ADAMTSL1: variants seen among roughly 807,000 people sequenced by gnomAD.
ADAMTSL1 encodes ADAMTS like 1.
ADAMTSL1 carries 126 observed loss-of-function variants against 201.8 expected under a neutral mutation model. That is an observed-to-expected ratio of 0.62 (90% CI 0.54 to 0.72). The LOEUF (loss-of-function observed/expected upper bound fraction) is 0.72. ADAMTSL1 is among the 30% of genes least tolerant of loss of function. ADAMTSL1 has a pLI of 0.00. For missense variants in ADAMTSL1, 2,679 were observed against 2,277.8 expected (o/e 1.18, Z -3.59); for synonymous variants, 1,121 against 903.4 (o/e 1.24, Z -4.32).
chr9:18,457,757 T>G (rs1474822014), intron 2 of ADAMTSL1, among the ~76,000 whole-genome samples: 1 of 152,198 alleles, frequency 6.6e-6, no homozygotes, highest in African/African-American at 2.4e-5. Flanking sequence ...AAAGAGGAGT[T>G]AGAGAAAGTG....
At chr9:18,611,328 C>T (rs574519574) in intron 4 of ADAMTSL1, among the ~76,000 whole-genome samples, 1 of 152,104 alleles carries the variant, frequency 6.6e-6, no homozygotes, top group East Asian at 1.9e-4. Context: ...TCTCCAGACA[C>T]CCTAATTTTG....
chr9:18,212,824 A>C (rs1587323730), intron 2 of ADAMTSL1, among the ~76,000 whole-genome samples: 1 of 152,132 alleles, frequency 6.6e-6, no homozygotes, highest in East Asian at 1.9e-4. Context: ...AGACTAGGTA[A>C]GATGTGCTTC....
chr9:18,514,327 C>CTTTTTTTTT (rs397963773), intron 2 of ADAMTSL1, among the ~76,000 whole-genome samples: 3 of 100,100 alleles, frequency 3.0e-5, no homozygotes, highest in African/African-American at 7.7e-5. Flanking sequence ...ATTTTTCTTT[C>CTTTTTTTTT]TTTTTTTTTT....
chr9:18,890,767 G>C, intron 25 of ADAMTSL1: 3 of 348,796 alleles, frequency 8.6e-6, no homozygotes, highest in East Asian at 7.7e-5. Context: ...CGTATATTTG[G>C]AAATAAAAGT....
chr9:18,550,703 C>T (rs887376859), intron 3 of ADAMTSL1, among the ~76,000 whole-genome samples: 1 of 151,910 alleles, frequency 6.6e-6, no homozygotes, highest in Non-Finnish European at 1.5e-5. Flanking sequence ...GGTGTCTGTA[C>T]ACAGAATCAT....
intron 5 of ADAMTSL1, among the ~76,000 whole-genome samples, chr9:18,634,235 A>G (rs1468629871): frequency 5.9e-5 from 9 of 152,124 alleles, no homozygotes; most frequent in African/African-American, 1.9e-4. Flanking sequence ...AATCCTTCCA[A>G]TGATAGGATA....
intron 1 of ADAMTSL1, among the ~76,000 whole-genome samples, chr9:17,909,495 G>T (rs1422549310): frequency 1.3e-5 from 1 of 78,194 alleles, no homozygotes; most frequent in African/African-American, 2.8e-5. Flanking sequence ...ATTGATTTTC[G>T]TATAAGGTGT....
chr9:18,603,590 C>G (rs905148298), intron 4 of ADAMTSL1, among the ~76,000 whole-genome samples: 3 of 152,178 alleles, frequency 2.0e-5, no homozygotes, highest in Admixed American at 6.5e-5. Flanking sequence ...CAACAACCAA[C>G]CCACATAGCA....
At chr9:17,907,931 C>T (rs1023158364) in intron 1 of ADAMTSL1, among the ~76,000 whole-genome samples, 3 of 152,132 alleles carry the variant, frequency 2.0e-5, no homozygotes, top group Admixed American at 6.5e-5. Flanking sequence ...CCGGAATTAC[C>T]GCCAGATAGC....
chr9:18,508,385 T>C (rs1817811668), intron 2 of ADAMTSL1, among the ~76,000 whole-genome samples: 1 of 152,184 alleles, frequency 6.6e-6, no homozygotes, highest in Non-Finnish European at 1.5e-5. Context: ...TCCCCTTTGG[T>C]ATCTAAAGGG....
chr9:18,197,318 A>T (rs1002720870), intron 2 of ADAMTSL1, among the ~76,000 whole-genome samples: 1 of 151,968 alleles, frequency 6.6e-6, no homozygotes, highest in Admixed American at 6.6e-5. Flanking sequence ...TGAGCATGGA[A>T]TGTTCTTCCA....
intron 7 of ADAMTSL1, 23 bp downstream of exon 7, chr9:18,639,434 C>A: frequency 6.2e-7 from 1 of 1,601,318 alleles, no homozygotes; most frequent in Non-Finnish European, 8.5e-7. Flanking sequence ...TAGATACCTC[C>A]TTTTCAAGCC....
At chr9:18,823,078 T>C (rs1192217108) in intron 21 of ADAMTSL1, among the ~76,000 whole-genome samples, 1 of 152,236 alleles carries the variant, frequency 6.6e-6, no homozygotes, top group Non-Finnish European at 1.5e-5. Context: ...GGTGTCTTAG[T>C]AATATCATTC....
chr9:18,420,073 G>C (rs77534334), intron 2 of ADAMTSL1, among the ~76,000 whole-genome samples: 2,017 of 152,264 alleles, frequency 0.013, 41 homozygotes, highest in African/African-American at 0.046. Context: ...GTATTAGGTT[G>C]ATGCAACAGT....
At chr9:18,573,837 G>T (rs530605590) in intron 3 of ADAMTSL1, among the ~76,000 whole-genome samples, 193 bp from the exon 4 acceptor site, 9 of 152,230 alleles carry the variant, frequency 5.9e-5, no homozygotes, top group Non-Finnish European at 1.2e-4. Context: ...TGAGGTGATT[G>T]CTTTATCAGA....
At chr9:18,772,918 G>C (rs754450841) in intron 17 of ADAMTSL1, among the ~76,000 whole-genome samples, 10 of 152,168 alleles carry the variant, frequency 6.6e-5, no homozygotes, top group Non-Finnish European at 1.0e-4. Context: ...CTGGGTTAAT[G>C]AATGGAGATT....
intron 2 of ADAMTSL1, among the ~76,000 whole-genome samples, chr9:18,272,843 TC>T (rs1430633391): frequency 6.6e-6 from 1 of 152,190 alleles, no homozygotes; most frequent in Non-Finnish European, 1.5e-5. Flanking sequence ...AGAGATCATT[TC>T]TTTCTTTGAG....
intron 2 of ADAMTSL1, among the ~76,000 whole-genome samples, chr9:18,258,967 C>T (rs1004583709): frequency 2.6e-5 from 4 of 152,138 alleles, no homozygotes; most frequent in African/African-American, 9.7e-5. Context: ...CCAGAATTGC[C>T]ACGATCATTC....
chr9:17,959,902 T>C (rs187473784), intron 1 of ADAMTSL1, among the ~76,000 whole-genome samples: 26 of 152,280 alleles, frequency 1.7e-4, no homozygotes, highest in Admixed American at 1.4e-3. Flanking sequence ...CAACAATGAT[T>C]TGGGGACTGC....
Sources: gnomAD v4.1 joint callset for allele counts (sites outside exome capture counted in the v4.1 genomes callset) on GRCh38, gnomAD v4.1.1 for gene constraint, MANE v1.5 for transcripts, NCBI Gene and HGNC (gene_info 2026-07-23, HGNC 2026-07-21) for gene names.